The following NUDCD3 variants were observed in gnomAD, a reference collection of about 807,000 sequenced individuals.
NUDCD3 encodes the protein NudC domain containing 3.
A neutral mutation model predicts 39.7 loss-of-function variants in NUDCD3; 13 were observed. The observed-to-expected ratio is 0.33, with a 90% confidence interval of 0.21 to 0.52. The LOEUF is 0.52. Ranked by LOEUF, NUDCD3 falls within the 20% of genes least tolerant of loss-of-function variation. The pLI is 0.96. For missense variants in NUDCD3, 453 were observed against 458.1 expected, an observed-to-expected ratio of 0.99 and a Z score of 0.10; for synonymous variants, 175 against 172.4, an observed-to-expected ratio of 1.02 and a Z score of -0.12.
At chr7:44,436,353 A>C (rs892718984) in intron 2 of NUDCD3, among the ~76,000 whole-genome samples, 1 of 152,230 alleles carries the variant, frequency 6.6e-6, no homozygotes, top group East Asian at 1.9e-4. Context: ...GTGATGAAGC[A>C]GGGTGAAAGT....
chr7:44,444,327 GC>G (rs1345306573), intron 2 of NUDCD3, among the ~76,000 whole-genome samples: 2 of 152,148 alleles, frequency 1.3e-5, no homozygotes, highest in African/African-American at 4.8e-5. Flanking sequence ...TTCTGAGAAA[GC>G]ATCCAGATAA....
At chr7:44,485,718 C>T (rs1212593492) in intron 1 of NUDCD3, 1 of 161,336 alleles carries the variant, frequency 6.2e-6, no homozygotes, top group African/African-American at 2.4e-5. Flanking sequence ...GTTTACAGGA[C>T]TGCTGCTGTT....
chr7:44,381,613 G>C lies in NUDCD3; in HGVS notation c.*4398C>G, dbSNP rs1798305990. The C allele has an allele frequency of 6.6e-6, 1 of 152,306 alleles. No homozygotes were observed. The highest frequency in any genetic ancestry group is 1.5e-5 in the Non-Finnish European group (1 of 68,112). 9.4% of individuals were successfully genotyped at this position (152,306 alleles called of 1,614,324 possible). ...TGGGGAAGAAGGCCTAGGACTGAGA[G>C]AGGCAGCAGGGAGGCTGGCCAGGGT... On this transcript the variant is annotated 3_prime_UTR_variant, in exon 6 of 6. Transcript: ENST00000355451.
chr7:44,458,794 G>A (rs766624170), intron 2 of NUDCD3, among the ~76,000 whole-genome samples: 12 of 152,184 alleles, frequency 7.9e-5, no homozygotes, highest in African/African-American at 2.7e-4. Context: ...TTTTAAAACC[G>A]TACATGTGTC....
chr7:44,392,271 A>C, intron 5 of NUDCD3, 26 bp downstream of exon 5: 1 of 1,606,228 alleles, frequency 6.2e-7, no homozygotes, highest in Non-Finnish European at 8.5e-7. Flanking sequence ...TAAAGGGTGG[A>C]CTCTCCAGGA....
intron 2 of NUDCD3, among the ~76,000 whole-genome samples, chr7:44,440,093 T>C (rs906379053): frequency 3.9e-5 from 6 of 152,214 alleles, no homozygotes; most frequent in African/African-American, 1.4e-4. Flanking sequence ...GTGGCTCTCA[T>C]GAACAGGGTA....
chr7:44,386,116 G>A lies in NUDCD3; in HGVS notation c.981C>T (p.Val327=). 1 of 1,614,134 alleles carries A rather than the reference G, an allele frequency of 6.2e-7. No individual in the cohort carries two copies. Among genetic ancestry groups the A allele is most frequent in the Non-Finnish European group, 8.5e-7 (1 of 1,180,000 alleles). ...QGKPQSHELK[V]HEMLKKGWDA... ...CCCACCCCTTCTTCAGCATCTCATG[G>A]ACTTTCTACAAACAGAAAATAGAGA... Residue 327 remains valine, a synonymous_variant, in exon 6 of 6, where the codon GTC becomes GTT. Transcript: ENST00000355451.
At chr7:44,421,953 G>A (rs1386262229) in intron 3 of NUDCD3, among the ~76,000 whole-genome samples, 1 of 152,122 alleles carries the variant, frequency 6.6e-6, no homozygotes, top group Non-Finnish European at 1.5e-5. Context: ...AGACCACAGG[G>A]CAATCAAATT....
rs1249225885 is a variant in NUDCD3, at chr7:44,489,987, G to A, written c.192+422C>T. The stretch of plus-strand genomic sequence containing the variant: ...CTGGGAAGTCACATTTCAAACAAGC[G>A]ACCACACCCATTGATCAACACAATG... On this transcript the variant is annotated intron_variant, in intron 1 of 5. Transcript: ENST00000355451. 3 of 158,620 alleles carry A rather than the reference G, an allele frequency of 1.9e-5. 1 individual carries two copies. The highest frequency in any genetic ancestry group is 6.5e-3 in the Middle Eastern group (2 of 310). 9.8% of individuals were successfully genotyped at this position (158,620 alleles called of 1,614,324 possible).
chr7:44,387,694 G>A (rs1271243245), intron 5 of NUDCD3, among the ~76,000 whole-genome samples: 1 of 152,186 alleles, frequency 6.6e-6, no homozygotes, highest in East Asian at 1.9e-4. Context: ...ATGGGGGCCC[G>A]ATGTAGGATG....
chr7:44,426,505 T>C (rs1489544695), intron 3 of NUDCD3, among the ~76,000 whole-genome samples: 1 of 152,036 alleles, frequency 6.6e-6, no homozygotes, highest in Admixed American at 6.5e-5. Flanking sequence ...AATAAAAAAA[T>C]AGCAAGGGAG....
Position 44,381,965 on chromosome 7 carries a change from G to A in NUDCD3, c.*4046C>T, listed in dbSNP as rs2116848551. The A allele has an allele frequency of 1.3e-5, 2 of 152,372 alleles. No homozygotes were observed. Among genetic ancestry groups the A allele is most frequent in the Non-Finnish European group, 2.9e-5 (2 of 68,074 alleles). 9.4% of individuals were successfully genotyped at this position (152,372 alleles called of 1,614,324 possible). A position where few individuals can be genotyped will look rare whatever the true frequency, so the allele number is the denominator to read the frequency against. ...CTCTGGTCTCCCCATCACCCTCTGA[G>A]GGGGAAGCAGGAAGTTGTGAGGGGT... On this transcript the variant is annotated 3_prime_UTR_variant, in exon 6 of 6. Coordinates refer to ENST00000355451, the MANE Select transcript of NUDCD3 (RefSeq NM_015332.4).
chr7:44,468,146 G>C, intron 2 of NUDCD3: 1 of 1,606,106 alleles, frequency 6.2e-7, no homozygotes, highest in Non-Finnish European at 8.5e-7. Flanking sequence ...CAACATCAAG[G>C]AGCTGGAAGT....
intron 3 of NUDCD3, among the ~76,000 whole-genome samples, chr7:44,409,663 T>C (rs1422580478): frequency 1.3e-5 from 2 of 151,878 alleles, no homozygotes; most frequent in Admixed American, 1.3e-4. Flanking sequence ...AGCCCACATA[T>C]GAAGAACTTA....
At chr7:44,396,783 C>T (rs1473737822) in intron 4 of NUDCD3, among the ~76,000 whole-genome samples, 1 of 152,154 alleles carries the variant, frequency 6.6e-6, no homozygotes, top group Non-Finnish European at 1.5e-5. Context: ...ACCTTAAAAA[C>T]CACTGAATGG....
At chr7:44,452,603 A>C (rs964630067) in intron 2 of NUDCD3, among the ~76,000 whole-genome samples, 2 of 152,242 alleles carry the variant, frequency 1.3e-5, no homozygotes, top group African/African-American at 4.8e-5. Flanking sequence ...ACAGGGGCTC[A>C]GGATTCTGAC....
At chr7:44,441,677 C>A (rs1298589733) in intron 2 of NUDCD3, among the ~76,000 whole-genome samples, 1 of 152,114 alleles carries the variant, frequency 6.6e-6, no homozygotes. Flanking sequence ...CAGAGCCGGC[C>A]CCACCTGCCA....
At position 44,427,607 on chromosome 7, in the gene NUDCD3, C is replaced by G. The variant is rs766588627; in HGVS notation, c.606G>C (p.Arg202Ser). 6.2e-7 allele frequency: 1 copy of G among 1,613,410 alleles called. No individual in the cohort carries two copies. The highest frequency in any genetic ancestry group is 8.5e-7 in the Non-Finnish European group (1 of 1,179,624). Residue 202 changes from arginine (R) to serine (S), a missense_variant, in exon 3 of 6, where the codon AGG becomes AGC. Transcript: ENST00000355451. ...WSQDYTDLEVRVPVPKHVVKG... is the reference protein window; with the variant it reads ...WSQDYTDLEVSVPVPKHVVKG... ...TCACCACGTGCTTGGGTACTGGCAC[C>G]CTGACCTCCAGGTCAGTATAGTCCT... is the stretch of plus-strand genomic sequence containing the variant.
chr7:44,387,155 T>G (rs2066656992), intron 5 of NUDCD3, among the ~76,000 whole-genome samples: 1 of 152,136 alleles, frequency 6.6e-6, no homozygotes, highest in Non-Finnish European at 1.5e-5. Context: ...CAAGAGGGTT[T>G]TCTTTTTCCT....
Sources: gnomAD v4.1 joint callset for allele counts (sites outside exome capture counted in the v4.1 genomes callset) on GRCh38, gnomAD v4.1.1 for gene constraint, MANE v1.5 for transcripts, NCBI Gene and HGNC (gene_info 2026-07-23, HGNC 2026-07-21) for gene names.